BCL2L1: variants seen among roughly 807,000 people sequenced by gnomAD.
BCL2L1 encodes BCL2 like 1, also known as bcl-2-like protein 1.
BCL2L1 carries 1 observed loss-of-function variant against 18.7 expected under a neutral mutation model. The ratio of observed to expected loss-of-function variants is 0.05; its 90% CI spans 0.02 to 0.25. BCL2L1 has a LOEUF of 0.25. BCL2L1 is among the 10% of genes least tolerant of loss of function. The pLI is 1.00. For synonymous variants in BCL2L1, 103 were observed against 122.7 expected (o/e 0.84, Z 1.06); for missense variants, 207 against 304.9 (o/e 0.68, Z 2.39).
intron 2 of BCL2L1, among the ~76,000 whole-genome samples, chr20:31,702,633 C>A (rs557100401): frequency 6.6e-6 from 1 of 151,858 alleles, no homozygotes; most frequent in East Asian, 2.0e-4. Flanking sequence ...CCTGCCTCAG[C>A]CTCCTGAGTA....
At chr20:31,689,294 A>AGGGGAGGGGAGG (rs1600823270) in intron 2 of BCL2L1, among the ~76,000 whole-genome samples, 8 of 90,168 alleles carry the variant, frequency 8.9e-5, no homozygotes, top group Non-Finnish European at 1.2e-4. Context: ...AGGGGAGGGA[A>AGGGGAGGGGAGG]GGAAGAAAGA....
intron 2 of BCL2L1, among the ~76,000 whole-genome samples, chr20:31,694,512 G>T (rs1489166927): frequency 6.6e-6 from 1 of 152,152 alleles, no homozygotes; most frequent in African/African-American, 2.4e-5. Context: ...GCCTCTTGGA[G>T]GGCGGGCTCC....
Position 31,665,928 on chromosome 20 carries a change from G to T in BCL2L1, c.*21C>A. On this transcript the variant is annotated 3_prime_UTR_variant, in exon 3 of 3. Transcript: ENST00000307677. ...GAGCAGAGAAGGGGGTGGGAGGGTA[G>T]AGTGGATGGTCAGTGTCTGGTCATT... is the stretch of plus-strand genomic sequence containing the variant. 6.2e-7 allele frequency: 1 copy of T among 1,611,514 alleles called. No individual in the cohort carries two copies. The highest frequency in any genetic ancestry group is 8.5e-7 in the Non-Finnish European group (1 of 1,179,066).
At chr20:31,669,344 C>T (rs1041210407) in intron 2 of BCL2L1, among the ~76,000 whole-genome samples, 2 of 152,016 alleles carry the variant, frequency 1.3e-5, no homozygotes, top group Non-Finnish European at 2.9e-5. Context: ...CAGGCGTGAG[C>T]CACCATGCCC....
At chr20:31,695,190 T>C (rs776573470) in intron 2 of BCL2L1, among the ~76,000 whole-genome samples, 8 of 152,218 alleles carry the variant, frequency 5.3e-5, no homozygotes, top group Non-Finnish European at 1.0e-4. Context: ...ACTGCTGTTA[T>C]CACCCACCTG....
intron 2 of BCL2L1, among the ~76,000 whole-genome samples, chr20:31,693,046 G>C (rs1348985093): frequency 6.6e-6 from 1 of 150,414 alleles, no homozygotes; most frequent in East Asian, 1.9e-4. Flanking sequence ...ACTCCAGCCT[G>C]GGCGAGAAAG....
At chr20:31,677,402 T>C (rs989795166) in intron 2 of BCL2L1, among the ~76,000 whole-genome samples, 3 of 152,106 alleles carry the variant, frequency 2.0e-5, no homozygotes, top group Admixed American at 6.6e-5. Context: ...CAGGCTGGTC[T>C]CAAACTCCTG....
chr20:31,723,587 C>A (rs571505406), upstream of BCL2L1: 1 of 985,138 alleles, frequency 1.0e-6, no homozygotes, highest in African/African-American at 1.7e-5. Flanking sequence ...CGGGGGCGCC[C>A]CCTAGACCTT....
intron 2 of BCL2L1, among the ~76,000 whole-genome samples, chr20:31,691,152 CAAAAAAAAAAAAAAAAAAA>C (rs539012918): frequency 4.0e-5 from 1 of 24,852 alleles, no homozygotes; most frequent in Non-Finnish European, 7.6e-5. Context: ...GACTCTGTCT[CAAAAAAAAAAAAAAAAAAA>C]AAAAAAAAAA....
At chr20:31,673,068 CTTTT>C (rs906594378) in intron 2 of BCL2L1, among the ~76,000 whole-genome samples, 3 of 118,264 alleles carry the variant, frequency 2.5e-5, no homozygotes, top group East Asian at 2.4e-4. Context: ...GGTGTCCTTG[CTTTT>C]TTTTTTTTTT....
At chr20:31,678,871 G>T (rs2060807251) in intron 2 of BCL2L1, among the ~76,000 whole-genome samples, 1 of 152,188 alleles carries the variant, frequency 6.6e-6, no homozygotes, top group African/African-American at 2.4e-5. Context: ...AGGATTTGGG[G>T]AAGGGAGCAA....
chr20:31,711,558 C>T (rs1209533293), intron 2 of BCL2L1, among the ~76,000 whole-genome samples: 3 of 152,188 alleles, frequency 2.0e-5, no homozygotes, highest in Non-Finnish European at 4.4e-5. Context: ...TCCACAGTAT[C>T]ACTAGCATTT....
chr20:31,723,815 C>G, upstream of BCL2L1: 1 of 985,444 alleles, frequency 1.0e-6, no homozygotes, highest in Non-Finnish European at 1.2e-6. Flanking sequence ...TCTTCGCGGC[C>G]GAGTTCCGCG....
chr20:31,709,728 G>A (rs552424092), intron 2 of BCL2L1, among the ~76,000 whole-genome samples: 4 of 151,312 alleles, frequency 2.6e-5, no homozygotes, highest in Non-Finnish European at 5.9e-5. Context: ...CCAGCTACCC[G>A]GGAGGCTGAG....
Position 31,722,318 on chromosome 20 carries a change from C to A in BCL2L1, c.-100G>T. Reference sequence around the variant, plus strand: ...AGTGATTCTCTTCTAAGATCCAAAGCCAAGATAAGATTCTGAAGGGAGAGA... The same window carrying A: ...AGTGATTCTCTTCTAAGATCCAAAGACAAGATAAGATTCTGAAGGGAGAGA... On this transcript the variant is annotated 5_prime_UTR_variant, in exon 2 of 3. Transcript: ENST00000307677. 1 of 896,490 alleles carries A rather than the reference C, an allele frequency of 1.1e-6. No homozygotes were observed. The highest frequency in any genetic ancestry group is 1.6e-6 in the Non-Finnish European group (1 of 642,374). The allele number at this position is 896,490 out of a possible 1,614,324, so 55.5% of individuals were successfully genotyped here.
intron 2 of BCL2L1, chr20:31,720,927 T>C (rs1400511914): frequency 1.0e-6 from 1 of 985,218 alleles, no homozygotes; most frequent in Admixed American, 6.2e-5. Flanking sequence ...CCCCAGGCAA[T>C]GAGGTGCAAA....
At chr20:31,676,430 A>C (rs897882187) in intron 2 of BCL2L1, among the ~76,000 whole-genome samples, 7 of 152,202 alleles carry the variant, frequency 4.6e-5, no homozygotes, top group African/African-American at 1.7e-4. Flanking sequence ...GTCTGTCTCC[A>C]GAGTCCAAAC....
intron 2 of BCL2L1, among the ~76,000 whole-genome samples, chr20:31,674,576 G>A (rs1309899913): frequency 6.6e-6 from 1 of 152,092 alleles, no homozygotes; most frequent in Non-Finnish European, 1.5e-5. Flanking sequence ...TAGCTAAAGT[G>A]GATAAGTGGC....
upstream of BCL2L1, chr20:31,723,030 G>A (rs2061663144): frequency 6.6e-6 from 1 of 152,550 alleles, no homozygotes; most frequent in Admixed American, 6.6e-5. Flanking sequence ...TTCTATTTAA[G>A]CACCAGCCCA....
Sources: gnomAD v4.1 joint callset for allele counts (sites outside exome capture counted in the v4.1 genomes callset) on GRCh38, gnomAD v4.1.1 for gene constraint, MANE v1.5 for transcripts, NCBI Gene and HGNC (gene_info 2026-07-23, HGNC 2026-07-21) for gene names.